Variants in DOP1B observed in about 807,000 individuals in gnomAD.
The protein encoded by DOP1B is protein DOP1B.
DOP1B carries 174 observed loss-of-function variants against 233.5 expected under a neutral mutation model. The observed-to-expected ratio is 0.75, with a 90% confidence interval of 0.66 to 0.85. The LOEUF (loss-of-function observed/expected upper bound fraction) is 0.85. DOP1B is among the 40% of genes least tolerant of loss of function. DOP1B has a pLI of 0.00. For synonymous variants in DOP1B, 1,190 were observed against 1,185.6 expected (o/e 1.00, Z -0.08); for missense variants, 2,652 against 2,846.6 (o/e 0.93, Z 1.56).
chr21:36,179,970 C>T (rs1215786156), intron 2 of DOP1B, among the ~76,000 whole-genome samples: 1 of 152,104 alleles, frequency 6.6e-6, no homozygotes, highest in African/African-American at 2.4e-5. Context: ...CTGCCTTTGC[C>T]CCTCTCCTCT....
At chr21:36,235,872 G>T (rs565758339) in intron 15 of DOP1B, among the ~76,000 whole-genome samples, 1 of 147,462 alleles carries the variant, frequency 6.8e-6, no homozygotes, top group African/African-American at 2.5e-5. Flanking sequence ...TCGGGGGGGG[G>T]GCGGTCTACG....
chr21:36,287,911 T>G (rs1324976130), intron 32 of DOP1B, 103 bp from the exon 33 acceptor site: 1 of 1,411,174 alleles, frequency 7.1e-7, no homozygotes, highest in African/African-American at 1.4e-5. Flanking sequence ...TACACTGGGT[T>G]GTTACTAGAA....
chr21:36,178,108 G>T (rs1314996766), intron 2 of DOP1B, among the ~76,000 whole-genome samples: 1 of 152,164 alleles, frequency 6.6e-6, no homozygotes, highest in Non-Finnish European at 1.5e-5. Context: ...CAGTGTAGCT[G>T]TATATCAAGG....
intron 1 of DOP1B, among the ~76,000 whole-genome samples, chr21:36,158,662 G>A (rs1339294138): frequency 6.6e-6 from 1 of 151,918 alleles, no homozygotes; most frequent in Admixed American, 6.6e-5. Context: ...AATTAGTTGG[G>A]CGTGGTGGCA....
intron 23 of DOP1B, among the ~76,000 whole-genome samples, chr21:36,260,071 G>A (rs1032586741): frequency 2.0e-5 from 3 of 151,510 alleles, no homozygotes; most frequent in Admixed American, 6.6e-5. Context: ...CACGAGGATC[G>A]CTTGAACCTG....
chr21:36,292,060 A>T, intron 35 of DOP1B, 44 bp from the exon 36 acceptor site: 1 of 1,550,022 alleles, frequency 6.5e-7, no homozygotes, highest in Non-Finnish European at 8.7e-7. Flanking sequence ...ACGACGTTGA[A>T]GGCCTCTTAC....
intron 21 of DOP1B, among the ~76,000 whole-genome samples, chr21:36,250,921 G>A (rs1048334451): frequency 1.3e-5 from 2 of 152,148 alleles, no homozygotes; most frequent in African/African-American, 4.8e-5. Flanking sequence ...CACCTTGGCT[G>A]CTCACTGCCC....
intron 5 of DOP1B, among the ~76,000 whole-genome samples, chr21:36,211,343 G>A (rs1055096178): frequency 2.6e-5 from 4 of 152,170 alleles, no homozygotes; most frequent in Non-Finnish European, 5.9e-5. Context: ...CTCTCACGTG[G>A]AACAGTGAGG....
intron 4 of DOP1B, among the ~76,000 whole-genome samples, chr21:36,201,588 T>C (rs150602139): frequency 5.5e-4 from 83 of 152,004 alleles, no homozygotes; most frequent in African/African-American, 1.9e-3. Context: ...CCTCAAGTGA[T>C]CCGCCCACCT....
At chr21:36,256,804 AATC>A (rs1412648344) in intron 23 of DOP1B, among the ~76,000 whole-genome samples, 2 of 152,048 alleles carry the variant, frequency 1.3e-5, no homozygotes, top group Non-Finnish European at 2.9e-5. Context: ...ACAACATAAC[AATC>A]AACACAGAAG....
rs774981769 is a variant in DOP1B, at chr21:36,293,404, A to G, written c.6730A>G (p.Met2244Val). ...TTCTGTTTCCAGCATCAGGCAGTTG[A>G]TGCCATTCTTCATGACTCTAAATGG... ...QHSVSSIRQL[M>V]PFFMTLNGAF... The change falls in exon 37 of 37, where the codon ATG (methionine) becomes GTG (valine). Residue 2244 changes from methionine (M) to valine (V), a missense_variant. By Grantham distance (21) the Met-to-Val change is conservative. Around this residue, in one of 3 missense-constraint regions of DOP1B, gnomAD observed 2,617 missense variants for 2,794.3 expected, o/e 0.94. Transcript: ENST00000691173. 2 of 1,614,028 alleles carry G rather than the reference A, an allele frequency of 1.2e-6. No homozygotes were observed. Among genetic ancestry groups the G allele is most frequent in the Non-Finnish European group, 1.7e-6 (2 of 1,180,034 alleles).
chr21:36,182,184 C>T (rs1366794746), intron 2 of DOP1B, among the ~76,000 whole-genome samples: 2 of 152,064 alleles, frequency 1.3e-5, no homozygotes, highest in Non-Finnish European at 2.9e-5. Flanking sequence ...AATTGGAGCA[C>T]CTGGGGTCAT....
chr21:36,261,306 A>C (rs915737261), intron 24 of DOP1B: 50 of 978,108 alleles, frequency 5.1e-5, no homozygotes, highest in Non-Finnish European at 5.7e-5. Flanking sequence ...CGGAGGTTGC[A>C]GCGAGCCAAG....
At chr21:36,268,827 G>A (rs186451563) in intron 26 of DOP1B, among the ~76,000 whole-genome samples, 26 of 151,310 alleles carry the variant, frequency 1.7e-4, no homozygotes, top group African/African-American at 5.3e-4. Flanking sequence ...GCACCACCAC[G>A]CCTAGCTAAT....
At chr21:36,172,405 C>G (rs1451320118) in intron 2 of DOP1B, among the ~76,000 whole-genome samples, 1 of 152,174 alleles carries the variant, frequency 6.6e-6, no homozygotes, top group African/African-American at 2.4e-5. Context: ...ATCAGGAATA[C>G]TTGGTTCTGT....
At chr21:36,167,288 A>T (rs939824214) in intron 2 of DOP1B, among the ~76,000 whole-genome samples, 6 of 152,146 alleles carry the variant, frequency 3.9e-5, no homozygotes, top group Admixed American at 1.3e-4. Flanking sequence ...TTCTCCTGCC[A>T]CAGCCTCCTG....
intron 10 of DOP1B, among the ~76,000 whole-genome samples, chr21:36,222,246 T>C (rs1391022774): frequency 6.6e-6 from 1 of 152,098 alleles, no homozygotes; most frequent in Non-Finnish European, 1.5e-5. Context: ...GGGATTTCGG[T>C]AGGATAAATT....
At chr21:36,166,305 C>T (rs1209008753) in intron 2 of DOP1B, among the ~76,000 whole-genome samples, 3 of 151,730 alleles carry the variant, frequency 2.0e-5, no homozygotes, top group African/African-American at 7.3e-5. Flanking sequence ...GGCGTGGTGG[C>T]GAGCACCTGT....
intron 2 of DOP1B, among the ~76,000 whole-genome samples, chr21:36,165,106 T>C (rs2065896976): frequency 6.6e-6 from 1 of 152,206 alleles, no homozygotes; most frequent in South Asian, 2.1e-4. Context: ...TGTCCTCCAG[T>C]GTTACCCACT....
Sources: gnomAD v4.1 joint callset for allele counts (sites outside exome capture counted in the v4.1 genomes callset) on GRCh38, gnomAD v4.1.1 for gene constraint, gnomAD v4.1.1 regional missense constraint, MANE v1.5 for transcripts, NCBI Gene and HGNC (gene_info 2026-07-23, HGNC 2026-07-21) for gene names.